ESRRB: variants seen among roughly 807,000 people sequenced by gnomAD.
ESRRB encodes estrogen related receptor beta, also known as steroid hormone receptor ERR2.
Under a neutral mutation model 46.0 loss-of-function variants are expected in ESRRB, and 16 were observed. That is an observed-to-expected ratio of 0.35 (90% confidence interval 0.24 to 0.53). The LOEUF (loss-of-function observed/expected upper bound fraction) is 0.53, where lower values mean the gene tolerates loss of function less well. ESRRB is among the 20% of genes least tolerant of loss of function. ESRRB has a pLI of 0.93. For missense variants in ESRRB, 488 were observed against 607.4 expected, an observed-to-expected ratio of 0.80 and a Z score of 2.07; for synonymous variants, 246 against 259.6, an observed-to-expected ratio of 0.95 and a Z score of 0.50.
At chr14:76,461,077 TG>T (rs1448291932) in intron 2 of ESRRB, among the ~76,000 whole-genome samples, 2 of 151,836 alleles carry the variant, frequency 1.3e-5, no homozygotes, top group East Asian at 3.9e-4. Flanking sequence ...CCAGGCACAT[TG>T]TAGGTGCTCA....
chr14:76,361,379 G>T (rs1884462252), intron 1 of ESRRB, among the ~76,000 whole-genome samples: 2 of 152,190 alleles, frequency 1.3e-5, no homozygotes, highest in South Asian at 4.1e-4. Flanking sequence ...GAGCTCAATT[G>T]TGAGAGATTA....
intron 1 of ESRRB, among the ~76,000 whole-genome samples, chr14:76,388,644 C>T (rs1480516721): frequency 2.0e-5 from 3 of 152,168 alleles, no homozygotes; most frequent in Non-Finnish European, 4.4e-5. Flanking sequence ...TCAGACCTCT[C>T]ATCCCCCAGG....
intron 3 of ESRRB, among the ~76,000 whole-genome samples, chr14:76,467,154 C>T (rs1442066781): frequency 1.3e-5 from 2 of 152,102 alleles, no homozygotes; most frequent in African/African-American, 4.8e-5. Context: ...TGGCAGAATC[C>T]ACTATGGGAT....
chr14:76,419,341 G>A (rs1886842776), intron 1 of ESRRB, among the ~76,000 whole-genome samples: 1 of 152,212 alleles, frequency 6.6e-6, no homozygotes, highest in Non-Finnish European at 1.5e-5. Context: ...TTGAGATCGA[G>A]CTTCGAACTC....
In ESRRB at chr14:76,358,397, A is replaced by G. The variant is rs185793778; in HGVS notation, c.2+47481A>G. 1.0e-3 allele frequency among the ~76,000 whole-genome samples: 127 copies of G among 127,046 alleles called. 8 individuals are homozygous for G. Among genetic ancestry groups the G allele is most frequent in the African/African-American group, 3.6e-3 (116 of 32,312 alleles). 83.3% of individuals were successfully genotyped at this position (127,046 alleles called of 152,430 possible). A position where few individuals can be genotyped will look rare whatever the true frequency, so the allele number is the denominator to read the frequency against. On this transcript the variant is annotated intron_variant, in intron 1 of 6. Coordinates refer to the ESRRB transcript ENST00000512784. ...AAAGAAAGAAAGAAAGAAAGAAAGA[A>G]AGAAAGAAAGAAAGAAAAGAAAAGA...
At chr14:76,419,023 T>C (rs1886828776) in intron 1 of ESRRB, among the ~76,000 whole-genome samples, 1 of 152,090 alleles carries the variant, frequency 6.6e-6, no homozygotes, top group Admixed American at 6.6e-5. Context: ...GTAAACTTTT[T>C]TTTTTTTTTG....
At chr14:76,328,422 G>A (rs576518365) in intron 1 of ESRRB, among the ~76,000 whole-genome samples, 44 of 152,300 alleles carry the variant, frequency 2.9e-4, no homozygotes, top group African/African-American at 1.0e-3. Context: ...GCTTCTGGGG[G>A]ACTCTATCAA....
chr14:76,498,244 T>C lies in ESRRB; in HGVS notation c.1151T>C (p.Val384Ala). 1 of 1,613,816 alleles carries C rather than the reference T, an allele frequency of 6.2e-7. No individual in the cohort carries two copies. The highest frequency in any genetic ancestry group is 8.5e-7 in the Non-Finnish European group (1 of 1,179,994). The change falls in exon 7 of 7, where the codon GTC becomes GCC. Residue 384 changes from valine (V) to alanine (A), a missense_variant. By Grantham distance (64) the Val-to-Ala change is moderately conservative. Coordinates refer to ENST00000644823, the MANE Select transcript of ESRRB (RefSeq NM_001379180.1). ...ATGTACATCGAGGATCTAGAGGCTG[T>C]CCAGAAGCTGCAGGACCTGCTGCAC... ...DSMYIEDLEA[V>A]QKLQDLLHEA...
In ESRRB at chr14:76,439,529, C is replaced by T; in HGVS notation, c.239C>T (p.Pro80Leu). Reference sequence around the variant, plus strand: ...ACCCACGCCAACGGTCTGGACTCGCCACCCATGTTTGCAGGCGCCGGGCTG... The same window carrying T: ...ACCCACGCCAACGGTCTGGACTCGCTACCCATGTTTGCAGGCGCCGGGCTG... The part of the protein sequence containing the change: ...LGTHANGLDS[P>L]PMFAGAGLGG... Residue 80 changes from proline to leucine, a missense_variant, in exon 2 of 7, where the codon CCA becomes CTA. Coordinates refer to ENST00000644823, the MANE Select transcript of ESRRB (RefSeq NM_001379180.1). 6.2e-7 allele frequency: 1 copy of T among 1,613,648 alleles called. No homozygotes were observed. The highest frequency in any genetic ancestry group is 8.5e-7 in the Non-Finnish European group (1 of 1,179,972).
chr14:76,493,965 G>T (rs2140055033), intron 6 of ESRRB, among the ~76,000 whole-genome samples: 1 of 152,320 alleles, frequency 6.6e-6, no homozygotes. Flanking sequence ...CCCTGCATGG[G>T]ATCAGGCTGA....
chr14:76,322,760 C>T (rs373357986), intron 1 of ESRRB, among the ~76,000 whole-genome samples: 5 of 152,164 alleles, frequency 3.3e-5, no homozygotes, highest in African/African-American at 7.2e-5. Context: ...GGTCTTCTGC[C>T]GATGCTGATT....
chr14:76,413,579 G>T (rs1006323716), intron 1 of ESRRB, among the ~76,000 whole-genome samples: 1 of 152,098 alleles, frequency 6.6e-6, no homozygotes, highest in South Asian at 2.1e-4. Context: ...CTCTGCACTC[G>T]CAGGTCCCAT....
chr14:76,482,758 A>C lies in ESRRB; in HGVS notation c.849A>C (p.Pro283=). 6.2e-7 allele frequency: 1 copy of C among 1,614,026 alleles called. No homozygotes were observed. Among genetic ancestry groups the C allele is most frequent in the South Asian group, 1.1e-5 (1 of 91,062 alleles). The change falls in exon 5 of 7, where the codon CCA becomes CCC. Residue 283 remains proline, a splice_region_variant and synonymous_variant. Transcript: ENST00000644823. This position sits in a 1 kb window ranked among gnomAD's most constrained non-coding sequence, Gnocchi z 4.3. ...TCATTGGCTGGGCCAAGCACATCCC[A>C]GGTGAGCATGTGGGACCAGGGGAGA... ...VVIIGWAKHI[P]GFSSLSLGDQ...
At chr14:76,394,365 C>G (rs1885589783) in intron 1 of ESRRB, among the ~76,000 whole-genome samples, 1 of 152,214 alleles carries the variant, frequency 6.6e-6, no homozygotes, top group South Asian at 2.1e-4. Context: ...TGACTGCCCA[C>G]TATGAGCCAG....
At chr14:76,375,640 G>A (rs146258942), upstream of ESRRB, among the ~76,000 whole-genome samples, 9 of 150,526 alleles carry the variant, frequency 6.0e-5, no homozygotes, top group Non-Finnish European at 1.2e-4. Flanking sequence ...CCTTCTTGCT[G>A]TGCCTCACCT....
At chr14:76,315,496 A>T (rs1378940326) in intron 1 of ESRRB, among the ~76,000 whole-genome samples, 1 of 152,178 alleles carries the variant, frequency 6.6e-6, no homozygotes, top group Admixed American at 6.5e-5. Context: ...GACTTGAGTT[A>T]CGAAACCCCT....
chr14:76,386,454 A>AT (rs10573960), intron 1 of ESRRB, among the ~76,000 whole-genome samples: 2,691 of 112,814 alleles, frequency 0.024, 118 homozygotes, highest in African/African-American at 0.074. Flanking sequence ...CGGTTTTTTA[A>AT]TTTTTTTTTT....
intron 1 of ESRRB, among the ~76,000 whole-genome samples, chr14:76,415,733 T>C (rs1886669699): frequency 6.6e-6 from 1 of 152,140 alleles, no homozygotes; most frequent in Non-Finnish European, 1.5e-5. Flanking sequence ...TCTCAAACTC[T>C]TGGGCTCAAA....
At chr14:76,450,695 G>C (rs1054133068) in intron 2 of ESRRB, among the ~76,000 whole-genome samples, 1 of 152,194 alleles carries the variant, frequency 6.6e-6, no homozygotes, top group Non-Finnish European at 1.5e-5. Flanking sequence ...GTCGCCTCCA[G>C]GTCTTTTGTC....
Sources: gnomAD v4.1 joint callset for allele counts (sites outside exome capture counted in the v4.1 genomes callset) on GRCh38, gnomAD v4.1.1 for gene constraint, Gnocchi (gnomAD v3.1) non-coding constraint, MANE v1.5 for transcripts, NCBI Gene and HGNC (gene_info 2026-07-23, HGNC 2026-07-21) for gene names.